Variants in ZC2HC1A observed in about 807,000 individuals in gnomAD.
ZC2HC1A encodes the protein zinc finger C2HC-type containing 1A, also known as zinc finger C2HC domain-containing protein 1A.
A neutral mutation model predicts 40.7 loss-of-function variants in ZC2HC1A; 28 were observed. That is an observed-to-expected ratio of 0.69 (90% CI 0.51 to 0.94). The LOEUF is 0.94. Ranked by LOEUF, ZC2HC1A falls within the 40% of genes least tolerant of loss-of-function variation. ZC2HC1A has a pLI of 0.00. For missense variants in ZC2HC1A, 389 were observed against 386.3 expected, an observed-to-expected ratio of 1.01 and a Z score of -0.06; for synonymous variants, 129 against 129.2, an observed-to-expected ratio of 1.00 and a Z score of 0.01.
In ZC2HC1A at chr8:78,681,604, T is replaced by C. The variant is rs1482171749; in HGVS notation, c.210+2925T>C. On this transcript the variant is annotated intron_variant, in intron 3 of 8. Coordinates refer to ENST00000263849, the MANE Select transcript of ZC2HC1A (RefSeq NM_016010.3). ...GTTGTTTTCTATTCCCTGAAAGAGT[T>C]TGTGTAATATTGATGCTAGATTTTT... Among the ~76,000 whole-genome samples the C allele has an allele frequency of 2.0e-5, 3 of 152,270 alleles. No homozygotes were observed. In the East Asian group the frequency reaches 5.8e-4, roughly 29 times the overall value.
chr8:78,706,004 A>C (rs545351906), intron 7 of ZC2HC1A, among the ~76,000 whole-genome samples: 10 of 152,238 alleles, frequency 6.6e-5, no homozygotes, highest in African/African-American at 2.4e-4. Flanking sequence ...ATGGATTGGG[A>C]ACCTGCTTAA....
At chr8:78,701,156 C>T (rs1341593300) in intron 7 of ZC2HC1A, among the ~76,000 whole-genome samples, 1 of 152,182 alleles carries the variant, frequency 6.6e-6, no homozygotes, top group Non-Finnish European at 1.5e-5. Context: ...TTTGTGTCAT[C>T]TTTAATTTCT....
intron 7 of ZC2HC1A, among the ~76,000 whole-genome samples, chr8:78,708,962 G>A (rs542852936): frequency 1.9e-4 from 29 of 152,050 alleles, no homozygotes; most frequent in African/African-American, 6.3e-4. Flanking sequence ...CACCACGCCC[G>A]GCCAAAAGAT....
chr8:78,717,233 G>A (rs1563642541), intron 8 of ZC2HC1A, 95 bp from the exon 9 acceptor site: 3 of 1,140,158 alleles, frequency 2.6e-6, no homozygotes, highest in African/African-American at 1.6e-5. Flanking sequence ...GATTAAGCAG[G>A]CTAATTGTTA....
intron 7 of ZC2HC1A, among the ~76,000 whole-genome samples, chr8:78,700,242 A>G (rs1199090959): frequency 1.3e-5 from 2 of 151,892 alleles, no homozygotes; most frequent in Non-Finnish European, 2.9e-5. Flanking sequence ...TTTTCATATG[A>G]CAGTTGACCG....
intron 1 of ZC2HC1A, among the ~76,000 whole-genome samples, chr8:78,668,675 T>A (rs1198946003): frequency 1.3e-5 from 2 of 152,228 alleles, no homozygotes; most frequent in African/African-American, 4.8e-5. Flanking sequence ...GTTATCTGTT[T>A]TTGTAGAATC....
At chr8:78,678,464 G>T in intron 2 of ZC2HC1A, 99 bp from the exon 3 acceptor site, 3 of 811,904 alleles carry the variant, frequency 3.7e-6, no homozygotes, top group South Asian at 2.1e-5. Context: ...TTTTTCATTT[G>T]GTCTCAGATT....
chr8:78,666,925 C>T (rs1809316420), intron 1 of ZC2HC1A, among the ~76,000 whole-genome samples: 1 of 152,152 alleles, frequency 6.6e-6, no homozygotes, highest in Non-Finnish European at 1.5e-5. Flanking sequence ...CACCTAAAAA[C>T]AAAGGAAGGA....
At chr8:78,699,804 C>A (rs540016466) in intron 7 of ZC2HC1A, among the ~76,000 whole-genome samples, 43 of 152,100 alleles carry the variant, frequency 2.8e-4, no homozygotes, top group Non-Finnish European at 5.3e-4. Context: ...TGATCTAATT[C>A]CTTTTTATGG....
intron 5 of ZC2HC1A, among the ~76,000 whole-genome samples, chr8:78,694,442 T>G (rs1372667987): frequency 6.6e-6 from 1 of 152,192 alleles, no homozygotes; most frequent in Admixed American, 6.5e-5. Context: ...TAGGTATCTA[T>G]GAGTCTTATC....
chr8:78,697,382 T>G (rs1810457206), intron 5 of ZC2HC1A, 25 bp from the exon 6 acceptor site: 1 of 1,537,950 alleles, frequency 6.5e-7, no homozygotes, highest in African/African-American at 1.4e-5. Context: ...TGATGTTGAT[T>G]AATATTTTTT....
At chr8:78,685,937 G>C (rs1392062740) in intron 3 of ZC2HC1A, 1 of 152,360 alleles carries the variant, frequency 6.6e-6, no homozygotes, top group East Asian at 1.9e-4. Context: ...CATCTGGCGA[G>C]GGCCTTCTTG....
intron 4 of ZC2HC1A, among the ~76,000 whole-genome samples, chr8:78,687,270 A>G (rs75680426): frequency 0.037 from 5,615 of 151,840 alleles, 316 homozygotes; most frequent in African/African-American, 0.13. Context: ...CATTAATGCT[A>G]TGTTAGTACT....
At chr8:78,675,125 G>A (rs1809540363) in intron 1 of ZC2HC1A, among the ~76,000 whole-genome samples, 1 of 151,080 alleles carries the variant, frequency 6.6e-6, no homozygotes, top group Non-Finnish European at 1.5e-5. Context: ...TTACATGATA[G>A]TTATATTAAT....
Position 78,717,442 on chromosome 8 carries a change from A to G in ZC2HC1A, c.927A>G (p.Val309=). The G allele has an allele frequency of 6.2e-7, 1 of 1,608,284 alleles. No individual in the cohort carries two copies. The highest frequency in any genetic ancestry group is 8.5e-7 in the Non-Finnish European group (1 of 1,178,414). ...FCHECGTKYP[V]EWAKFCCECG... ...ATGAGTGTGGGACTAAATACCCTGTAGAATGGGCCAAATTTTGCTGTGAAT... is the reference window on the plus strand; with the variant it reads ...ATGAGTGTGGGACTAAATACCCTGTGGAATGGGCCAAATTTTGCTGTGAAT... Residue 309 remains valine (V), a synonymous_variant, in exon 9 of 9, where the codon GTA becomes GTG. Coordinates refer to ENST00000263849, the MANE Select transcript of ZC2HC1A (RefSeq NM_016010.3).
Position 78,718,414 on chromosome 8 carries a change from T to A in ZC2HC1A, c.*921T>A, listed in dbSNP as rs1166656113. 1 of 151,992 alleles carries A rather than the reference T, an allele frequency of 6.6e-6. No individual in the cohort carries two copies. Among genetic ancestry groups the A allele is most frequent in the African/African-American group, 2.4e-5 (1 of 41,462 alleles). The allele number at this position is 151,992 out of a possible 1,614,324, so 9.4% of individuals were successfully genotyped here. On this transcript the variant is annotated 3_prime_UTR_variant, in exon 9 of 9. Coordinates refer to ENST00000263849, the MANE Select transcript of ZC2HC1A (RefSeq NM_016010.3). The stretch of plus-strand genomic sequence containing the variant: ...GTATCTGAATTTAGAATAAATCATT[T>A]TAATGCATCTTAAATCACGTCACCT...
chr8:78,695,298 G>T (rs556447838), intron 5 of ZC2HC1A, among the ~76,000 whole-genome samples: 2 of 151,996 alleles, frequency 1.3e-5, no homozygotes, highest in African/African-American at 2.4e-5. Flanking sequence ...AACATTTTTT[G>T]GAGACATGTT....
At chr8:78,715,890 A>G (rs904715006) in intron 8 of ZC2HC1A, among the ~76,000 whole-genome samples, 4 of 151,610 alleles carry the variant, frequency 2.6e-5, no homozygotes, top group Non-Finnish European at 5.9e-5. Flanking sequence ...AAGTAGAAAA[A>G]TTAGCCGGTT....
intron 7 of ZC2HC1A, among the ~76,000 whole-genome samples, chr8:78,709,005 A>G (rs1228984875): frequency 1.3e-5 from 2 of 152,216 alleles, no homozygotes; most frequent in African/African-American, 2.4e-5. Context: ...TTTTAGAAAT[A>G]CAGTGAAACA....
Sources: allele counts gnomAD v4.1 joint callset (sites outside exome capture counted in the v4.1 genomes callset), GRCh38; gene constraint gnomAD v4.1.1; transcripts MANE v1.5; gene names NCBI Gene and HGNC (gene_info 2026-07-23, HGNC 2026-07-21).